Variants in MCF2L observed in about 807,000 individuals in gnomAD.
The protein encoded by MCF2L is MCF.2 cell line derived transforming sequence like, also known as guanine nucleotide exchange factor DBS.
In MCF2L, 97 loss-of-function variants were observed where a neutral mutation model predicts 153.4. That is an observed-to-expected ratio of 0.63 (90% CI 0.54 to 0.75). The LOEUF (loss-of-function observed/expected upper bound fraction) is 0.75. Ranked by LOEUF, MCF2L falls within the 30% of genes least tolerant of loss-of-function variation. The probability of loss-of-function intolerance (pLI) is 0.00; values close to 1 mark genes in which losing one functional copy is unlikely to be tolerated. For missense variants in MCF2L, 1,347 were observed against 1,495.2 expected (o/e 0.90, Z 1.64); for synonymous variants, 659 against 632.2 (o/e 1.04, Z -0.64).
At chr13:112,995,660 C>T (rs1474099617) in intron 1 of MCF2L, among the ~76,000 whole-genome samples, 2 of 152,150 alleles carry the variant, frequency 1.3e-5, no homozygotes, top group African/African-American at 4.8e-5. Flanking sequence ...CAGGGAGGAG[C>T]GTGGCTCTGG....
intron 9 of MCF2L, among the ~76,000 whole-genome samples, chr13:113,071,626 G>T (rs966834011): frequency 3.9e-5 from 6 of 152,258 alleles, no homozygotes; most frequent in East Asian, 1.9e-4. Flanking sequence ...TGTTGAAAAG[G>T]CCCTTTCTTC....
chr13:113,045,863 T>C lies in MCF2L; in HGVS notation c.369+502T>C, dbSNP rs1457304987. Reference sequence around the variant, plus strand: ...GTGCAGAGACGCTCCAGGCTGGAAGTTGGAAGTGGTACTGCACAGCTTTCC... The same window carrying C: ...GTGCAGAGACGCTCCAGGCTGGAAGCTGGAAGTGGTACTGCACAGCTTTCC... On this transcript the variant is annotated intron_variant, in intron 4 of 29. Coordinates refer to ENST00000535094, the MANE Select transcript of MCF2L (RefSeq NM_001112732.3). This position sits in a 1 kb window ranked among gnomAD's most constrained non-coding sequence, Gnocchi z 4.2. 6.0e-6 allele frequency: 1 copy of C among 167,834 alleles called. No individual in the cohort carries two copies. Among genetic ancestry groups the C allele is most frequent in the Non-Finnish European group, 1.3e-5 (1 of 76,798 alleles). 10.4% of individuals were successfully genotyped at this position (167,834 alleles called of 1,614,324 possible). A position where few individuals can be genotyped will look rare whatever the true frequency, so the allele number is the denominator to read the frequency against.
At chr13:112,994,831 C>CT (rs1338121489) in intron 1 of MCF2L, among the ~76,000 whole-genome samples, 1 of 152,266 alleles carries the variant, frequency 6.6e-6, no homozygotes, top group African/African-American at 2.4e-5. Flanking sequence ...AGGTTGGGGG[C>CT]TGCGCAGCCA....
intron 3 of MCF2L, among the ~76,000 whole-genome samples, chr13:113,033,406 CCCCGTGGCGTGAGTGGCCCCCATGAT>C (rs2085913935): frequency 9.7e-5 from 12 of 123,240 alleles, no homozygotes; most frequent in East Asian, 2.5e-4. Context: ...TGTGAGTGGA[CCCCGTGGCGTGAGTGGCCCCCATGAT>C]GTGAGTGGCC....
At chr13:113,095,283 C>T in intron 27 of MCF2L, 5 of 1,186,692 alleles carry the variant, frequency 4.2e-6, no homozygotes, top group Non-Finnish European at 5.3e-6. Context: ...GCAAAGGGGA[C>T]AGGTCCCGGA....
Position 112,923,077 on chromosome 13 carries a change from G to C in MCF2L, c.169+20706G>C, listed in dbSNP as rs1257426735. Among the ~76,000 whole-genome samples the C allele has an allele frequency of 1.6e-4, 24 of 151,978 alleles. 1 individual carries two copies. The highest frequency in any genetic ancestry group is 1.6e-3 in the Admixed American group (24 of 15,248). On this transcript the variant is annotated intron_variant, in intron 2 of 29. Coordinates refer to the MCF2L transcript ENST00000375608. ...TTCAGATGTACAGAACAATGGCAAGGGTAGCACAAAGAATTCTCGTATATA... is the reference window on the plus strand; with the variant it reads ...TTCAGATGTACAGAACAATGGCAAGCGTAGCACAAAGAATTCTCGTATATA...
intron 3 of MCF2L, among the ~76,000 whole-genome samples, chr13:113,041,276 G>A (rs1046182402): frequency 6.6e-6 from 1 of 152,188 alleles, no homozygotes; most frequent in Admixed American, 6.5e-5. Flanking sequence ...TCAGACACAG[G>A]CCACAGATGT....
chr13:113,055,973 C>T (rs2087736595), intron 4 of MCF2L, among the ~76,000 whole-genome samples: 1 of 152,212 alleles, frequency 6.6e-6, no homozygotes, highest in African/African-American at 2.4e-5. Context: ...GCCTCCCCTC[C>T]CTCATCCACT....
At chr13:113,009,104 G>A (rs576542405) in intron 1 of MCF2L, 138 of 152,398 alleles carry the variant, frequency 9.1e-4, no homozygotes, top group South Asian at 2.5e-3. Flanking sequence ...TCCAAAGGGC[G>A]TCCGGAGGGT....
chr13:112,956,251 CT>C (rs1033183848), intron 2 of MCF2L: 1 of 152,836 alleles, frequency 6.5e-6, no homozygotes, highest in Non-Finnish European at 1.5e-5. Flanking sequence ...GCAGCAGCTT[CT>C]TTTTGCCAGA....
At chr13:112,962,259 TCA>T (rs758887598) in intron 2 of MCF2L, among the ~76,000 whole-genome samples, 4 of 151,282 alleles carry the variant, frequency 2.6e-5, no homozygotes, top group South Asian at 4.2e-4. Context: ...GCAGACATGC[TCA>T]CACATGTAGG....
chr13:113,033,396 TG>T (rs1566773584), intron 3 of MCF2L, among the ~76,000 whole-genome samples: 1,014 of 19,688 alleles, frequency 0.052, 291 homozygotes, highest in East Asian at 0.23. Flanking sequence ...GCCCCCGTGA[TG>T]TGAGTGGACC....
At chr13:113,092,331 C>T (rs1232075925) in intron 26 of MCF2L, among the ~76,000 whole-genome samples, 1 of 152,176 alleles carries the variant, frequency 6.6e-6, no homozygotes, top group Admixed American at 6.5e-5. Flanking sequence ...GGTGTTGAAG[C>T]CGGGCCACTG....
chr13:112,894,852 G>C (rs1261487465), intron 1 of MCF2L, among the ~76,000 whole-genome samples: 2 of 152,120 alleles, frequency 1.3e-5, no homozygotes, highest in Admixed American at 1.3e-4. Context: ...GCGATGGGGG[G>C]CCAGTGTCCA....
intron 27 of MCF2L, chr13:113,095,374 A>G: frequency 8.8e-7 from 1 of 1,130,594 alleles, no homozygotes; most frequent in Non-Finnish European, 1.1e-6. Flanking sequence ...CAGAGACAGC[A>G]TGAAGGAAGG....
At chr13:112,973,588 C>T (rs79416102) in intron 1 of MCF2L, among the ~76,000 whole-genome samples, 42 of 152,280 alleles carry the variant, frequency 2.8e-4, no homozygotes, top group African/African-American at 9.4e-4. Context: ...CTCCTGAGAA[C>T]GCAGCGCTCA....
Position 113,097,152 on chromosome 13 carries a change from C to T in MCF2L, c.*293C>T. 5 of 313,386 alleles carry T rather than the reference C, an allele frequency of 1.6e-5. No homozygotes were observed. Among genetic ancestry groups the T allele is most frequent in the Non-Finnish European group, 2.9e-5 (5 of 171,780 alleles). 19.4% of individuals were successfully genotyped at this position (313,386 alleles called of 1,614,324 possible). A position where few individuals can be genotyped will look rare whatever the true frequency, so the allele number is the denominator to read the frequency against. ...TCCTGGCTCCACCGTGCTGCTTCTG[C>T]CTCTGGACGGTGCTTTCAGGGGACG... On this transcript the variant is annotated 3_prime_UTR_variant, in exon 30 of 30. Transcript: ENST00000535094.
chr13:113,028,713 TGCCA>T lies in MCF2L; in HGVS notation c.278+3958_278+3961del, dbSNP rs1183416674. 1.3e-5 allele frequency among the ~76,000 whole-genome samples: 2 copies of T among 152,210 alleles called. No homozygotes were observed. Among genetic ancestry groups the T allele is most frequent in the Non-Finnish European group, 2.9e-5 (2 of 68,046 alleles). ...AACGCTCTAAATCAGATCCTGGAAATGCCAGCTTCATTCAGCCATGAGCAGTGCT... is the reference window on the plus strand; with the variant it reads ...AACGCTCTAAATCAGATCCTGGAAATGCTTCATTCAGCCATGAGCAGTGCT... On this transcript the variant is annotated intron_variant, in intron 3 of 29. Transcript: ENST00000535094. This position sits in a 1 kb window ranked among gnomAD's most constrained non-coding sequence, Gnocchi z 5.4.
intron 1 of MCF2L, among the ~76,000 whole-genome samples, chr13:112,999,853 A>C (rs2083287542): frequency 6.6e-6 from 1 of 152,210 alleles, no homozygotes; most frequent in African/African-American, 2.4e-5. Context: ...TGCTTCGGAC[A>C]TTAGAGTCGG....
Sources: gnomAD v4.1 joint callset for allele counts (sites outside exome capture counted in the v4.1 genomes callset) on GRCh38, gnomAD v4.1.1 for gene constraint, Gnocchi (gnomAD v3.1) non-coding constraint, MANE v1.5 for transcripts, NCBI Gene and HGNC (gene_info 2026-07-23, HGNC 2026-07-21) for gene names.